Variants in SLC9A9 observed in about 807,000 individuals in gnomAD.
The protein encoded by SLC9A9 is sodium/hydrogen exchanger 9.
In SLC9A9, 62 loss-of-function variants were observed where a neutral mutation model predicts 77.8. The observed-to-expected ratio is 0.80, with a 90% CI of 0.65 to 0.98. The LOEUF is 0.98. Ranked by LOEUF, SLC9A9 falls within the 50% of genes least tolerant of loss-of-function variation. SLC9A9 has a pLI of 0.00. For synonymous variants in SLC9A9, 320 were observed against 283.5 expected, an observed-to-expected ratio of 1.13 and a Z score of -1.29; for missense variants, 775 against 774.9, an observed-to-expected ratio of 1.00 and a Z score of 0.00.
At chr3:143,400,607 C>G (rs1437998111) in intron 12 of SLC9A9, among the ~76,000 whole-genome samples, 1 of 151,094 alleles carries the variant, frequency 6.6e-6, no homozygotes, top group Non-Finnish European at 1.5e-5. Context: ...GTGATAGGTG[C>G]ACCAAAATCT....
At chr3:143,685,164 A>G (rs1461111885) in intron 5 of SLC9A9, among the ~76,000 whole-genome samples, 2 of 152,176 alleles carry the variant, frequency 1.3e-5, no homozygotes, top group Non-Finnish European at 2.9e-5. Flanking sequence ...TTAATTTTAT[A>G]GGATATTTTA....
chr3:143,461,631 T>C (rs992323077), intron 12 of SLC9A9, among the ~76,000 whole-genome samples: 1 of 152,158 alleles, frequency 6.6e-6, no homozygotes, highest in Non-Finnish European at 1.5e-5. Flanking sequence ...TTGCTCAAAA[T>C]CCTACAGCTT....
At chr3:143,807,760 A>G (rs965108394) in intron 2 of SLC9A9, among the ~76,000 whole-genome samples, 1 of 151,846 alleles carries the variant, frequency 6.6e-6, no homozygotes, top group African/African-American at 2.4e-5. Flanking sequence ...AAGAAAAAAG[A>G]AAAGAAAAGG....
intron 14 of SLC9A9, among the ~76,000 whole-genome samples, chr3:143,308,841 T>C (rs1047881201): frequency 3.8e-4 from 58 of 152,164 alleles, no homozygotes; most frequent in Non-Finnish European, 6.8e-4. Context: ...TTCCCCTGGC[T>C]TGCTTGGCCT....
chr3:143,781,473 T>C (rs1318647695), intron 4 of SLC9A9, among the ~76,000 whole-genome samples: 1 of 152,176 alleles, frequency 6.6e-6, no homozygotes, highest in Non-Finnish European at 1.5e-5. Flanking sequence ...AGTCAATATT[T>C]CTCATACGTT....
intron 6 of SLC9A9, among the ~76,000 whole-genome samples, chr3:143,603,167 A>C (rs1001086377): frequency 1.3e-5 from 2 of 152,248 alleles, no homozygotes; most frequent in African/African-American, 4.8e-5. Context: ...TAACATAAAT[A>C]TTGACTTTCA....
At chr3:143,484,709 G>T (rs1268241484) in intron 11 of SLC9A9, among the ~76,000 whole-genome samples, 1 of 152,164 alleles carries the variant, frequency 6.6e-6, no homozygotes, top group Non-Finnish European at 1.5e-5. Context: ...TTTAACTTTT[G>T]TTCTCATGAC....
intron 5 of SLC9A9, among the ~76,000 whole-genome samples, chr3:143,664,177 A>C (rs1040115921): frequency 6.6e-6 from 1 of 152,222 alleles, no homozygotes; most frequent in African/African-American, 2.4e-5. Context: ...GCCAATATTC[A>C]ACATTCTTAA....
rs113989226 is a variant in SLC9A9 at position 143,466,486 on chromosome 3, G to C, written c.1469+551C>G. 2.5e-3 allele frequency among the ~76,000 whole-genome samples: 376 copies of C among 152,312 alleles called. 1 individual carries two copies. Among genetic ancestry groups the C allele is most frequent in the African/African-American group, 8.4e-3 (351 of 41,566 alleles). Reference sequence around the variant, plus strand: ...CAGAACTGCTTATTGGAGGGCCACTGACTGAAGCCTTTATCCCCTTTTCCT... The same window carrying C: ...CAGAACTGCTTATTGGAGGGCCACTCACTGAAGCCTTTATCCCCTTTTCCT... On this transcript the variant is annotated intron_variant, in intron 12 of 15. Transcript: ENST00000316549.
chr3:143,574,965 A>G (rs1222933698), intron 7 of SLC9A9, among the ~76,000 whole-genome samples: 1 of 152,116 alleles, frequency 6.6e-6, no homozygotes, highest in Non-Finnish European at 1.5e-5. Flanking sequence ...AAATAAGGAG[A>G]TGTGATCGTG....
chr3:143,288,368 G>A (rs949461738), intron 14 of SLC9A9, among the ~76,000 whole-genome samples: 7 of 152,044 alleles, frequency 4.6e-5, no homozygotes. Context: ...GGTTCTACTT[G>A]TTCGCATTTT....
chr3:143,593,424 G>A (rs2037691354), intron 6 of SLC9A9, among the ~76,000 whole-genome samples: 1 of 152,218 alleles, frequency 6.6e-6, no homozygotes, highest in South Asian at 2.1e-4. Flanking sequence ...TATACAAAAG[G>A]TAGAATTTAA....
intron 4 of SLC9A9, among the ~76,000 whole-genome samples, chr3:143,714,000 A>G (rs1466873310): frequency 2.6e-5 from 4 of 152,230 alleles, no homozygotes. Context: ...TATTTTTCCA[A>G]ACTTGACTGT....
chr3:143,736,705 T>A (rs1269618375), intron 4 of SLC9A9, among the ~76,000 whole-genome samples: 1 of 152,222 alleles, frequency 6.6e-6, no homozygotes, highest in African/African-American at 2.4e-5. Context: ...GTAGGTAATA[T>A]CACAAAAGAC....
chr3:143,423,215 GTACACACACACA>G (rs2034335715), intron 12 of SLC9A9, among the ~76,000 whole-genome samples: 1 of 57,596 alleles, frequency 1.7e-5, no homozygotes, highest in Non-Finnish European at 3.8e-5. Flanking sequence ...TCACACACAC[GTACACACACACA>G]CACGTGTACA....
chr3:143,727,670 T>G (rs1053042258), intron 4 of SLC9A9, among the ~76,000 whole-genome samples: 5 of 152,222 alleles, frequency 3.3e-5, no homozygotes, highest in Non-Finnish European at 5.9e-5. Context: ...AAAGTAAATC[T>G]TGGCTTCAAG....
intron 11 of SLC9A9, among the ~76,000 whole-genome samples, chr3:143,484,614 T>A (rs1266100384): frequency 6.6e-6 from 1 of 151,062 alleles, no homozygotes; most frequent in Admixed American, 6.6e-5. Context: ...TTGGCTTTGC[T>A]GTGAACTGGA....
intron 9 of SLC9A9, among the ~76,000 whole-genome samples, chr3:143,514,597 G>C (rs535586394): frequency 1.3e-5 from 2 of 152,328 alleles, no homozygotes; most frequent in East Asian, 3.9e-4. Flanking sequence ...ACTTGCTACA[G>C]CTTCTACATC....
At chr3:143,616,034 CCA>C (rs1183791008) in intron 6 of SLC9A9, among the ~76,000 whole-genome samples, 1 of 152,026 alleles carries the variant, frequency 6.6e-6, no homozygotes. Context: ...GCGCCCACCA[CCA>C]CGCCCAGCTA....
Sources: gnomAD v4.1 joint callset for allele counts (sites outside exome capture counted in the v4.1 genomes callset) on GRCh38, gnomAD v4.1.1 for gene constraint, MANE v1.5 for transcripts, NCBI Gene and HGNC (gene_info 2026-07-23, HGNC 2026-07-21) for gene names.